The following PEX5L variants were observed in gnomAD, a reference collection of about 807,000 sequenced individuals.
PEX5L encodes the protein PEX5-related protein.
In PEX5L, 30 loss-of-function variants were observed where a neutral mutation model predicts 84.0. The observed-to-expected ratio is 0.36, with a 90% CI of 0.27 to 0.48. The LOEUF is 0.48. Ranked by LOEUF, PEX5L falls within the 20% of genes least tolerant of loss-of-function variation. The pLI is 0.99. For synonymous variants in PEX5L, 270 were observed against 283.1 expected, an observed-to-expected ratio of 0.95 and a Z score of 0.46; for missense variants, 533 against 754.6, an observed-to-expected ratio of 0.71 and a Z score of 3.44.
chr3:179,964,332 T>A (rs898664663), intron 2 of PEX5L, among the ~76,000 whole-genome samples: 3 of 152,104 alleles, frequency 2.0e-5, no homozygotes, highest in African/African-American at 7.2e-5. Context: ...AAGGACATGA[T>A]CTTGTAAAAA....
intron 8 of PEX5L, among the ~76,000 whole-genome samples, chr3:179,839,123 CT>C (rs1372298554): frequency 6.6e-6 from 1 of 151,868 alleles, no homozygotes; most frequent in Non-Finnish European, 1.5e-5. Context: ...TACTGATTTT[CT>C]TTTCCACTTG....
chr3:179,926,125 C>T (rs1771372718), intron 2 of PEX5L, among the ~76,000 whole-genome samples: 2 of 152,164 alleles, frequency 1.3e-5, no homozygotes, highest in African/African-American at 4.8e-5. Context: ...ATATCCAATC[C>T]ATCAGCAGAG....
intron 8 of PEX5L, among the ~76,000 whole-genome samples, chr3:179,847,477 C>T (rs1289864450): frequency 6.6e-6 from 1 of 152,114 alleles, no homozygotes; most frequent in Non-Finnish European, 1.5e-5. Flanking sequence ...AGTTATTAAA[C>T]AGCTATATAC....
chr3:179,920,467 A>G (rs534678880), intron 2 of PEX5L, among the ~76,000 whole-genome samples: 1 of 152,328 alleles, frequency 6.6e-6, no homozygotes, highest in Admixed American at 6.5e-5. Flanking sequence ...ATTTGAAAAA[A>G]ATATTTTATG....
chr3:179,924,671 T>C (rs1231953802), intron 2 of PEX5L, among the ~76,000 whole-genome samples: 1 of 152,124 alleles, frequency 6.6e-6, no homozygotes, highest in Admixed American at 6.5e-5. Context: ...ACCATGGAAA[T>C]ATACTTACCT....
intron 8 of PEX5L, among the ~76,000 whole-genome samples, chr3:179,828,107 C>G (rs959148143): frequency 6.6e-6 from 1 of 152,078 alleles, no homozygotes; most frequent in Non-Finnish European, 1.5e-5. Context: ...CAACCAGAAT[C>G]CCCCCAACCC....
intron 1 of PEX5L, among the ~76,000 whole-genome samples, chr3:179,977,780 C>A (rs765686482): frequency 2.0e-5 from 3 of 152,088 alleles, no homozygotes; most frequent in African/African-American, 7.2e-5. Context: ...ATTATTTTTA[C>A]AGAGAATCAT....
intron 1 of PEX5L, among the ~76,000 whole-genome samples, chr3:180,020,347 C>A (rs992887147): frequency 6.6e-6 from 1 of 151,718 alleles, no homozygotes; most frequent in Non-Finnish European, 1.5e-5. Context: ...CAGCTTCTCC[C>A]CCAATAAAAT....
chr3:179,940,737 T>A (rs1399164227), intron 2 of PEX5L, among the ~76,000 whole-genome samples: 2 of 152,234 alleles, frequency 1.3e-5, no homozygotes, highest in Non-Finnish European at 2.9e-5. Context: ...GATCCAATCC[T>A]CAGAGGCCTA....
intron 2 of PEX5L, among the ~76,000 whole-genome samples, chr3:179,913,496 A>G (rs1412894668): frequency 6.6e-6 from 1 of 152,142 alleles, no homozygotes; most frequent in Non-Finnish European, 1.5e-5. Flanking sequence ...AGTCATCAAG[A>G]TTTAAAAATT....
At position 179,887,992 on chromosome 3, in the gene PEX5L, G is replaced by A. The variant is rs557515448; in HGVS notation, c.199-208C>T. 193 of 714,676 alleles carry A rather than the reference G, an allele frequency of 2.7e-4. 2 individuals carry two copies. The highest frequency in any genetic ancestry group is 5.4e-4 in the South Asian group (32 of 59,504). 44.3% of individuals were successfully genotyped at this position (714,676 alleles called of 1,614,324 possible). ...GCACTGTCAACATATTTTTGATGCA[G>A]CCAACTTCAATGTTTAAAGCTCAAG... On this transcript the variant is annotated intron_variant, in intron 3 of 14. Transcript: ENST00000467460.
At chr3:179,903,766 A>G (rs1762223874) in intron 2 of PEX5L, among the ~76,000 whole-genome samples, 1 of 152,226 alleles carries the variant, frequency 6.6e-6, no homozygotes, top group Admixed American at 6.5e-5. Context: ...GTCCTTTCCC[A>G]GTAAAGTGTG....
chr3:179,887,921 G>T, intron 3 of PEX5L, 137 bp from the exon 4 acceptor site: 1 of 686,792 alleles, frequency 1.5e-6, no homozygotes, highest in Non-Finnish European at 2.5e-6. Context: ...TAATGGGGTG[G>T]GGGCAAGAAA....
At chr3:179,923,061 G>A (rs537486736) in intron 2 of PEX5L, among the ~76,000 whole-genome samples, 4 of 151,826 alleles carry the variant, frequency 2.6e-5, no homozygotes, top group South Asian at 2.1e-4. Flanking sequence ...AGGCCGAGGC[G>A]GGCGGATCAC....
At chr3:179,838,187 A>G (rs1346087639) in intron 8 of PEX5L, among the ~76,000 whole-genome samples, 3 of 152,284 alleles carry the variant, frequency 2.0e-5, no homozygotes, top group Middle Eastern at 3.4e-3. Flanking sequence ...CTTATTACCT[A>G]GTACTAATAA....
chr3:179,934,162 T>G (rs75448496), intron 2 of PEX5L, among the ~76,000 whole-genome samples: 3,772 of 152,348 alleles, frequency 0.025, 158 homozygotes, highest in African/African-American at 0.087. Flanking sequence ...ATACAATTCA[T>G]GCATATGAAT....
chr3:180,023,924 A>AGCTCC, intron 1 of PEX5L, among the ~76,000 whole-genome samples: 1 of 151,702 alleles, frequency 6.6e-6, no homozygotes, highest in African/African-American at 2.4e-5. Context: ...AGCCATGCCT[A>AGCTCC]TGGTTGTGCA....
At chr3:180,015,295 A>G (rs1789846986) in intron 1 of PEX5L, among the ~76,000 whole-genome samples, 1 of 152,092 alleles carries the variant, frequency 6.6e-6, no homozygotes, top group African/African-American at 2.4e-5. Flanking sequence ...AAGGGAGTTG[A>G]CTCTGGAGCC....
At chr3:179,984,647 ATT>A (rs1786636895) in intron 1 of PEX5L, among the ~76,000 whole-genome samples, 1 of 152,162 alleles carries the variant, frequency 6.6e-6, no homozygotes. Context: ...TGGAAAATTA[ATT>A]TTTGTTTTTC....
Sources: allele counts gnomAD v4.1 joint callset (sites outside exome capture counted in the v4.1 genomes callset), GRCh38; gene constraint gnomAD v4.1.1; transcripts MANE v1.5; gene names NCBI Gene and HGNC (gene_info 2026-07-23, HGNC 2026-07-21).